Variants in KAZN observed in about 807,000 individuals in gnomAD.
KAZN encodes the protein kazrin, periplakin interacting protein, also known as kazrin.
Under a neutral mutation model 87.4 loss-of-function variants are expected in KAZN, and 40 were observed. The ratio of observed to expected loss-of-function variants is 0.46; its 90% CI spans 0.36 to 0.60. The LOEUF (loss-of-function observed/expected upper bound fraction) is 0.60, where lower values mean the gene tolerates loss of function less well. Among genes scored for constraint, KAZN ranks in the 20% least tolerant of loss-of-function variants. The probability of loss-of-function intolerance (pLI) is 0.00; values close to 1 mark genes in which losing one functional copy is unlikely to be tolerated. For missense variants in KAZN, 898 were observed against 1,073.9 expected (o/e 0.84, Z 2.29); for synonymous variants, 466 against 458.3 (o/e 1.02, Z -0.22).
chr1:14,318,634 T>A (rs1047150227), intron 2 of KAZN, among the ~76,000 whole-genome samples: 38 of 152,138 alleles, frequency 2.5e-4, no homozygotes, highest in African/African-American at 8.4e-4. Flanking sequence ...CTTTAAATAT[T>A]TTTTCTCTTC....
At chr1:14,254,418 G>A (rs1481539268) in intron 2 of KAZN, among the ~76,000 whole-genome samples, 2 of 152,148 alleles carry the variant, frequency 1.3e-5, no homozygotes, top group Admixed American at 6.5e-5. Context: ...AGCTGCACTC[G>A]ACCATTCCTT....
intron 1 of KAZN, among the ~76,000 whole-genome samples, chr1:14,153,986 G>A (rs1395326955): frequency 6.6e-6 from 1 of 151,970 alleles, no homozygotes; most frequent in African/African-American, 2.4e-5. Flanking sequence ...TGGCCATTCT[G>A]GGTCTTTTGT....
intron 1 of KAZN, among the ~76,000 whole-genome samples, chr1:14,608,558 A>T (rs1025499731): frequency 6.6e-6 from 1 of 152,232 alleles, no homozygotes. Flanking sequence ...CTGTTTGGAT[A>T]GATTGGAATT....
chr1:14,640,684 A>C (rs906109316), intron 1 of KAZN, among the ~76,000 whole-genome samples: 6 of 152,204 alleles, frequency 3.9e-5, no homozygotes, highest in Admixed American at 1.3e-4. Context: ...TAGAAGGTGC[A>C]ACCTGGGCTC....
intron 1 of KAZN, among the ~76,000 whole-genome samples, chr1:14,110,022 C>T (rs1233195527): frequency 7.4e-6 from 1 of 134,848 alleles, no homozygotes; most frequent in African/African-American, 2.9e-5. Context: ...TTTCACTCCA[C>T]ATATTGAATA....
At chr1:14,980,981 C>T (rs564650434) in intron 2 of KAZN, among the ~76,000 whole-genome samples, 14 of 152,166 alleles carry the variant, frequency 9.2e-5, no homozygotes, top group Non-Finnish European at 2.1e-4. Context: ...ACCAGGCAAC[C>T]GTCATTACTC....
intron 8 of KAZN, among the ~76,000 whole-genome samples, chr1:15,079,517 G>A (rs1040669515): frequency 6.6e-6 from 1 of 152,028 alleles, no homozygotes; most frequent in South Asian, 2.1e-4. Context: ...GTGGGGTTGG[G>A]GCACAGCTGA....
intron 2 of KAZN, among the ~76,000 whole-genome samples, chr1:14,569,180 A>T (rs938873980): frequency 6.6e-6 from 1 of 152,032 alleles, no homozygotes. Flanking sequence ...GTTGTTCCAT[A>T]TGGGAAAGGA....
intron 1 of KAZN, among the ~76,000 whole-genome samples, chr1:14,672,116 G>T (rs1639954778): frequency 6.6e-6 from 1 of 151,638 alleles, no homozygotes; most frequent in African/African-American, 2.4e-5. Context: ...GGCTATTTAT[G>T]AAGCCCAAGC....
At chr1:14,383,241 A>G (rs1189223381) in intron 2 of KAZN, among the ~76,000 whole-genome samples, 1 of 150,352 alleles carries the variant, frequency 6.7e-6, no homozygotes, top group Non-Finnish European at 1.5e-5. Context: ...GTAGGTTGTG[A>G]AAATTTTCTC....
At chr1:14,233,655 C>T (rs1648083440) in intron 2 of KAZN, among the ~76,000 whole-genome samples, 1 of 152,200 alleles carries the variant, frequency 6.6e-6, no homozygotes, top group South Asian at 2.1e-4. Flanking sequence ...TCAGTCCTGT[C>T]AAACAGCTTT....
chr1:14,863,183 A>G (rs1031741399), intron 1 of KAZN, among the ~76,000 whole-genome samples: 2 of 152,152 alleles, frequency 1.3e-5, no homozygotes, highest in South Asian at 2.1e-4. Context: ...GGCTGTGTGC[A>G]CTGCTGTTCT....
chr1:14,809,416 T>C (rs753881637), intron 1 of KAZN, among the ~76,000 whole-genome samples: 2 of 152,202 alleles, frequency 1.3e-5, no homozygotes, highest in African/African-American at 2.4e-5. Flanking sequence ...GGCTGCCAGG[T>C]GTCACTTCCT....
At chr1:15,109,411 A>G (rs1030474337) in intron 13 of KAZN, among the ~76,000 whole-genome samples, 2 of 152,172 alleles carry the variant, frequency 1.3e-5, no homozygotes, top group African/African-American at 4.8e-5. Context: ...ACTTTATCGT[A>G]CAGATGAGGA....
chr1:15,010,604 G>A (rs959989651), intron 2 of KAZN, among the ~76,000 whole-genome samples: 2 of 152,090 alleles, frequency 1.3e-5, no homozygotes, highest in African/African-American at 4.8e-5. Context: ...ATGTTAGCCA[G>A]GATGGTCTCA....
chr1:13,965,021 T>C (rs1641893459), intron 1 of KAZN, among the ~76,000 whole-genome samples: 1 of 151,956 alleles, frequency 6.6e-6, no homozygotes, highest in South Asian at 2.1e-4. Context: ...GGGACGCACC[T>C]GGGGCATTCC....
At chr1:14,058,954 C>T (rs1035755153) in intron 1 of KAZN, among the ~76,000 whole-genome samples, 10 of 152,112 alleles carry the variant, frequency 6.6e-5, no homozygotes, top group East Asian at 1.9e-4. Flanking sequence ...CAGCAGCATA[C>T]GATGAGGCTG....
rs1449210687 is a variant in KAZN, at chr1:15,081,579, T to A, written c.1223-12601T>A. On this transcript the variant is annotated intron_variant, in intron 8 of 14. Transcript: ENST00000376030. The surrounding 1 kb of genome is among the most constrained non-coding windows in gnomAD (Gnocchi z 4.1). ...ATGACAGCGTGTGTGTGTGTGTGTG[T>A]GAGTGTGTGTGTTGGGGAGTTGTAG... Among the ~76,000 whole-genome samples the A allele has an allele frequency of 6.6e-6, 1 of 151,914 alleles. No homozygotes were observed. The highest frequency in any genetic ancestry group is 1.5e-5 in the Non-Finnish European group (1 of 68,004).
intron 1 of KAZN, among the ~76,000 whole-genome samples, chr1:13,977,884 T>C (rs1638443480): frequency 6.6e-6 from 1 of 152,124 alleles, no homozygotes; most frequent in Non-Finnish European, 1.5e-5. Flanking sequence ...TCCCAGCACT[T>C]TGGGAGGCCG....
Sources: gnomAD v4.1 joint callset for allele counts (sites outside exome capture counted in the v4.1 genomes callset) on GRCh38, gnomAD v4.1.1 for gene constraint, Gnocchi (gnomAD v3.1) non-coding constraint, MANE v1.5 for transcripts, NCBI Gene and HGNC (gene_info 2026-07-23, HGNC 2026-07-21) for gene names.